Variants in TMEM164 observed in about 807,000 individuals in gnomAD.
TMEM164 encodes the protein transmembrane protein 164.
In TMEM164, 4 loss-of-function variants were observed where a neutral mutation model predicts 18.8. The ratio of observed to expected loss-of-function variants is 0.21; its 90% CI spans 0.10 to 0.49. TMEM164 has a LOEUF of 0.49. Among genes scored for constraint, TMEM164 ranks in the 20% least tolerant of loss-of-function variants. The probability of loss-of-function intolerance (pLI) is 0.98; values close to 1 mark genes in which losing one functional copy is unlikely to be tolerated. For synonymous variants in TMEM164, 86 were observed against 101.7 expected, an observed-to-expected ratio of 0.85 and a Z score of 0.93; for missense variants, 108 against 239.9, an observed-to-expected ratio of 0.45 and a Z score of 3.63.
intron 4 of TMEM164, among the ~76,000 whole-genome samples, chrX:110,138,671 T>A (rs189681825): frequency 8.9e-6 from 1 of 112,207 alleles, no homozygotes; most frequent in East Asian, 2.8e-4. Flanking sequence ...GAGGGAATGA[T>A]CAACTGCATC....
intron 2 of TMEM164, among the ~76,000 whole-genome samples, chrX:110,036,846 C>T (rs1015303980): frequency 4.5e-5 from 5 of 111,464 alleles, no homozygotes; most frequent in Non-Finnish European, 1.9e-5. Flanking sequence ...AGTCAGTGGC[C>T]ACATGTGGCT....
chrX:110,109,115 C>T lies in TMEM164; in HGVS notation c.476C>T (p.Ala159Val). The change falls in exon 4 of 7, where the codon GCA (alanine) becomes GTA (valine). Residue 159 changes from alanine (A) to valine (V), a missense_variant. By Grantham distance (64) the Ala-to-Val change is moderately conservative (BLOSUM62 0). Transcript: ENST00000372068. The part of the protein sequence containing the change: ...QMHMLNGALL[A>V]LLFPVVNTRL... ...CACATGTTGAATGGAGCTCTTCTGG[C>T]ATTGCTGTTTCCTGTGGTAAACACT... 1 of 1,211,592 alleles carries T rather than the reference C, an allele frequency of 8.3e-7. No individual in the cohort carries two copies. Among genetic ancestry groups the T allele is most frequent in the Non-Finnish European group, 1.1e-6 (1 of 895,274 alleles).
chrX:110,183,026 T>A (rs1040708375), downstream of TMEM164, among the ~76,000 whole-genome samples: 3 of 112,262 alleles, frequency 2.7e-5, no homozygotes, highest in Admixed American at 9.3e-5. Context: ...GGTTAAAGTG[T>A]TGGCCTACTT....
chrX:110,180,495 C>CG (rs2067319688), downstream of TMEM164, among the ~76,000 whole-genome samples: 1 of 108,790 alleles, frequency 9.2e-6, no homozygotes, highest in African/African-American at 3.5e-5. Flanking sequence ...ACCCCCCCGC[C>CG]CCGCCCACAG....
downstream of TMEM164, among the ~76,000 whole-genome samples, chrX:110,181,999 G>A (rs1002715652): frequency 2.7e-5 from 3 of 111,692 alleles, no homozygotes; most frequent in African/African-American, 9.8e-5. Flanking sequence ...TGATACCTCA[G>A]TTTATTTCAT....
intron 2 of TMEM164, among the ~76,000 whole-genome samples, chrX:110,028,748 G>A (rs935472794): frequency 1.8e-5 from 2 of 111,155 alleles, no homozygotes; most frequent in Non-Finnish European, 3.8e-5. Context: ...TTGTTTTGTG[G>A]CCCAGTATGA....
chrX:110,075,360 G>T (rs2065655808), intron 3 of TMEM164, among the ~76,000 whole-genome samples: 1 of 111,486 alleles, frequency 9.0e-6, no homozygotes, highest in Admixed American at 9.6e-5. Flanking sequence ...CCTTTTGTTG[G>T]AGTCTTTAGG....
intron 3 of TMEM164, among the ~76,000 whole-genome samples, chrX:110,096,170 G>T (rs767627626): frequency 8.9e-6 from 1 of 112,388 alleles, no homozygotes; most frequent in African/African-American, 3.2e-5. Context: ...TCCGTTCTCA[G>T]ATCTCAAACT....
chrX:110,025,347 T>C (rs1934133642), intron 2 of TMEM164, among the ~76,000 whole-genome samples: 1 of 111,830 alleles, frequency 8.9e-6, no homozygotes, highest in South Asian at 3.8e-4. Flanking sequence ...GCTCATCACT[T>C]GTGGGCTCAG....
chrX:110,087,584 G>T (rs1220249002), intron 3 of TMEM164, among the ~76,000 whole-genome samples: 1 of 111,502 alleles, frequency 9.0e-6, no homozygotes, highest in Non-Finnish European at 1.9e-5. Context: ...GGTTATCCAT[G>T]TGTATGTATC....
chrX:110,125,321 T>A (rs2066513519), intron 4 of TMEM164, among the ~76,000 whole-genome samples: 1 of 111,748 alleles, frequency 8.9e-6, no homozygotes, highest in African/African-American at 3.3e-5. Flanking sequence ...GCGAAATGAT[T>A]GTTGCGGGGA....
intron 2 of TMEM164, among the ~76,000 whole-genome samples, chrX:110,040,483 G>A (rs964285935): frequency 6.3e-5 from 7 of 111,869 alleles, no homozygotes; most frequent in South Asian, 3.7e-4. Context: ...GCAACTCAGC[G>A]AGTTCCATCA....
At chrX:110,157,943 A>G (rs2067039849) in intron 5 of TMEM164, among the ~76,000 whole-genome samples, 1 of 111,340 alleles carries the variant, frequency 9.0e-6, no homozygotes, top group Non-Finnish European at 1.9e-5. Flanking sequence ...CTGGAGTGCA[A>G]TGGCGAGATC....
intron 5 of TMEM164, among the ~76,000 whole-genome samples, chrX:110,158,783 T>C (rs1456960316): frequency 8.9e-6 from 1 of 111,969 alleles, no homozygotes; most frequent in Non-Finnish European, 1.9e-5. Flanking sequence ...TGCTGAGATG[T>C]GCACGACGAA....
chrX:110,028,252 A>G (rs1199626238), intron 2 of TMEM164, among the ~76,000 whole-genome samples: 1 of 112,524 alleles, frequency 8.9e-6, no homozygotes, highest in Non-Finnish European at 1.9e-5. Flanking sequence ...CTACTAAAAA[A>G]TCAATCTCAC....
chrX:110,025,144 C>T (rs1171027100), intron 2 of TMEM164, among the ~76,000 whole-genome samples: 1 of 110,807 alleles, frequency 9.0e-6, no homozygotes, highest in Non-Finnish European at 1.9e-5. Flanking sequence ...TGCTGGCTCA[C>T]GTATGTCTCC....
chrX:110,047,783 A>C (rs1935378983), intron 2 of TMEM164, among the ~76,000 whole-genome samples: 1 of 112,091 alleles, frequency 8.9e-6, no homozygotes, highest in South Asian at 3.7e-4. Context: ...TCCCAAGGAC[A>C]CAATATTCTT....
At chrX:110,149,032 C>T (rs893208020) in intron 5 of TMEM164, among the ~76,000 whole-genome samples, 9 of 110,651 alleles carry the variant, frequency 8.1e-5, no homozygotes, top group African/African-American at 2.3e-4. Flanking sequence ...GTCTTATCCA[C>T]GTAACCATGT....
intron 3 of TMEM164, among the ~76,000 whole-genome samples, chrX:110,090,656 A>T (rs1022868374): frequency 9.0e-6 from 1 of 111,570 alleles, no homozygotes; most frequent in Non-Finnish European, 1.9e-5. Flanking sequence ...AGCGCAGTAC[A>T]TAGAATACTT....
Sources: allele counts gnomAD v4.1 joint callset (sites outside exome capture counted in the v4.1 genomes callset), GRCh38; gene constraint gnomAD v4.1.1; transcripts MANE v1.5; gene names NCBI Gene and HGNC (gene_info 2026-07-23, HGNC 2026-07-21).